CATSPERB: variants seen among roughly 807,000 people sequenced by gnomAD.
The protein encoded by CATSPERB is cation channel sperm-associated auxiliary subunit beta.
A neutral mutation model predicts 128.3 loss-of-function variants in CATSPERB; 93 were observed. The ratio of observed to expected loss-of-function variants is 0.72; its 90% confidence interval spans 0.61 to 0.86. The LOEUF is 0.86. Ranked by LOEUF, CATSPERB falls within the 40% of genes least tolerant of loss-of-function variation. The pLI is 0.00. For missense variants in CATSPERB, 1,153 were observed against 1,329.5 expected (o/e 0.87, Z 2.06); for synonymous variants, 381 against 448.8 (o/e 0.85, Z 1.91).
In CATSPERB at chr14:91,669,909, T is replaced by A. The variant is rs1224516440; in HGVS notation, c.1192A>T (p.Lys398Ter). Reference sequence around the variant, plus strand: ...GAAGGAAACCGAAAAATTGGAAATTTTGATTGTGAATTTGGTTCATTATTT... The same window carrying A: ...GAAGGAAACCGAAAAATTGGAAATTATGATTGTGAATTTGGTTCATTATTT... ...LRNNEPNSQS[K>*]FPIFRFPSSF... The change falls in exon 14 of 27, where the codon AAA becomes TAA. Residue 398 changes from lysine (K) to a stop codon, truncating the protein, a stop_gained. Coordinates refer to ENST00000256343, the MANE Select transcript of CATSPERB (RefSeq NM_024764.4). LOFTEE classifies it high-confidence loss of function. 1 of 1,613,466 alleles carries A rather than the reference T, an allele frequency of 6.2e-7. No individual in the cohort carries two copies. The highest frequency in any genetic ancestry group is 8.5e-7 in the Non-Finnish European group (1 of 1,179,806).
At chr14:91,626,729 C>T (rs1465982803) in intron 17 of CATSPERB, among the ~76,000 whole-genome samples, 2 of 152,138 alleles carry the variant, frequency 1.3e-5, no homozygotes, top group Non-Finnish European at 2.9e-5. Context: ...TTCCCACCCT[C>T]CAGAACTGTA....
intron 20 of CATSPERB, among the ~76,000 whole-genome samples, chr14:91,615,009 C>T (rs1893908758): frequency 6.6e-6 from 1 of 152,104 alleles, no homozygotes; most frequent in African/African-American, 2.4e-5. Flanking sequence ...ACGTACAATA[C>T]TATATTATTA....
chr14:91,630,552 C>T (rs1894256890), intron 17 of CATSPERB, among the ~76,000 whole-genome samples: 1 of 152,184 alleles, frequency 6.6e-6, no homozygotes, highest in African/African-American at 2.4e-5. Context: ...TAGCGTCCTT[C>T]TAGCTACAAA....
chr14:91,672,973 A>T lies in CATSPERB; in HGVS notation c.1022T>A (p.Val341Glu), dbSNP rs767657791. The change falls in exon 13 of 27, where the codon GTA becomes GAA. Residue 341 changes from valine (V) to glutamate (E), a missense_variant. Transcript: ENST00000256343. ...FYSQEPFLEW[V>E]PCLPHIFKGI... ...TTTAAAAATGTGAGGTAAGCAGGGTACCCATTCAAGAAATGGTTCCTGACT... is the reference window on the plus strand; with the variant it reads ...TTTAAAAATGTGAGGTAAGCAGGGTTCCCATTCAAGAAATGGTTCCTGACT... 1 of 1,591,006 alleles carries T rather than the reference A, an allele frequency of 6.3e-7. No individual in the cohort carries two copies. Among genetic ancestry groups the T allele is most frequent in the Non-Finnish European group, 8.5e-7 (1 of 1,174,820 alleles).
chr14:91,675,582 G>A (rs1393270143), intron 11 of CATSPERB, among the ~76,000 whole-genome samples: 1 of 152,170 alleles, frequency 6.6e-6, no homozygotes, highest in Non-Finnish European at 1.5e-5. Context: ...GCTGCTCATG[G>A]GGCCATCTGA....
At chr14:91,654,158 T>C (rs932485332) in intron 15 of CATSPERB, among the ~76,000 whole-genome samples, 2 of 152,148 alleles carry the variant, frequency 1.3e-5, no homozygotes, top group African/African-American at 4.8e-5. Flanking sequence ...CAGAGCAAGA[T>C]GGCTGAATAG....
At chr14:91,604,792 G>C (rs1893669088) in intron 22 of CATSPERB, 4 of 1,610,418 alleles carry the variant, frequency 2.5e-6, no homozygotes, top group South Asian at 1.1e-5. Context: ...AAGAGTAGAG[G>C]CTGGGGTAGG....
At chr14:91,596,256 T>C (rs1425466384) in intron 22 of CATSPERB, among the ~76,000 whole-genome samples, 1 of 151,936 alleles carries the variant, frequency 6.6e-6, no homozygotes, top group Admixed American at 6.6e-5. Context: ...CAGGCTGGAG[T>C]GCAGTGGCAC....
At chr14:91,723,312 C>T in intron 3 of CATSPERB, 123 bp from the exon 4 acceptor site, 1 of 607,204 alleles carries the variant, frequency 1.6e-6, no homozygotes, top group Non-Finnish European at 2.5e-6. Context: ...TATATTTATA[C>T]AAGTATACTT....
intron 14 of CATSPERB, among the ~76,000 whole-genome samples, chr14:91,662,149 C>T (rs1329477956): frequency 1.3e-5 from 2 of 152,018 alleles, no homozygotes; most frequent in African/African-American, 2.4e-5. Context: ...CCTGTTTCTC[C>T]CCATTCCTAT....
At position 91,589,568 on chromosome 14, in the gene CATSPERB, C is replaced by A; in HGVS notation, c.2922G>T (p.Val974=). ...VPLQSPYLVT[V]TEVNMRHNWK... ...AGTTGTGCCTCATGTTCACTTCAGT[C>A]ACAGTAACCAGATATGGAGATTGCA... Residue 974 remains valine (V), a synonymous_variant, in exon 24 of 27, where the codon GTG becomes GTT. Transcript: ENST00000256343. 1 of 1,613,664 alleles carries A rather than the reference C, an allele frequency of 6.2e-7. No individual in the cohort carries two copies. The highest frequency in any genetic ancestry group is 1.1e-5 in the South Asian group (1 of 90,970).
chr14:91,600,637 C>T (rs1045938537), intron 22 of CATSPERB, among the ~76,000 whole-genome samples: 1 of 151,952 alleles, frequency 6.6e-6, no homozygotes, highest in Admixed American at 6.5e-5. Flanking sequence ...AAATAACATT[C>T]ACTTTCCTAT....
chr14:91,619,113 G>A (rs148024628), intron 19 of CATSPERB, among the ~76,000 whole-genome samples: 1 of 152,304 alleles, frequency 6.6e-6, no homozygotes, highest in African/African-American at 2.4e-5. Flanking sequence ...GAACATTGCG[G>A]TGTTGGTGAC....
intron 10 of CATSPERB, among the ~76,000 whole-genome samples, chr14:91,687,816 G>A (rs762465846): frequency 1.8e-4 from 28 of 152,122 alleles, no homozygotes; most frequent in Middle Eastern, 3.4e-3. Flanking sequence ...TTAGCTGAGC[G>A]TGGTAGAACA....
In CATSPERB at chr14:91,665,981, T is replaced by G. The variant is rs926332999; in HGVS notation, c.1287+3833A>C. 5.3e-5 allele frequency among the ~76,000 whole-genome samples: 8 copies of G among 152,174 alleles called. 1 individual carries two copies. The highest frequency in any genetic ancestry group is 3.3e-4 in the Admixed American group (5 of 15,276). Reference sequence around the variant, plus strand: ...GAGGAAGGAACCAGGTGGAAGTGATTGGATCATGGGGGCGATTTCCCCATG... The same window carrying G: ...GAGGAAGGAACCAGGTGGAAGTGATGGGATCATGGGGGCGATTTCCCCATG... On this transcript the variant is annotated intron_variant, in intron 14 of 26. Coordinates refer to ENST00000256343, the MANE Select transcript of CATSPERB (RefSeq NM_024764.4).
At chr14:91,657,696 A>T (rs1894810323) in intron 15 of CATSPERB, among the ~76,000 whole-genome samples, 1 of 152,228 alleles carries the variant, frequency 6.6e-6, no homozygotes, top group Non-Finnish European at 1.5e-5. Context: ...ATCTGATTTT[A>T]AAATGGGCAA....
At chr14:91,612,379 G>A (rs1399019477) in intron 20 of CATSPERB, among the ~76,000 whole-genome samples, 4 of 152,076 alleles carry the variant, frequency 2.6e-5, no homozygotes, top group Non-Finnish European at 5.9e-5. Context: ...TCGAACTCCT[G>A]GCCTCAAGTG....
chr14:91,688,104 G>A (rs11844224), intron 10 of CATSPERB, among the ~76,000 whole-genome samples: 4,635 of 152,148 alleles, frequency 0.03, 263 homozygotes, highest in African/African-American at 0.11. Context: ...TTATTGAAAT[G>A]TCTGTTCTTT....
chr14:91,669,081 G>A (rs1203227201), intron 14 of CATSPERB, among the ~76,000 whole-genome samples: 1 of 152,144 alleles, frequency 6.6e-6, no homozygotes, highest in Non-Finnish European at 1.5e-5. Context: ...ATAGCAGTGT[G>A]AGAATGGATT....
Sources: gnomAD v4.1 joint callset for allele counts (sites outside exome capture counted in the v4.1 genomes callset) on GRCh38, gnomAD v4.1.1 for gene constraint, MANE v1.5 for transcripts, NCBI Gene and HGNC (gene_info 2026-07-23, HGNC 2026-07-21) for gene names.